The following TCERG1 variants were observed in gnomAD, a reference collection of about 807,000 sequenced individuals.
TCERG1 encodes the protein transcription elongation regulator 1.
In TCERG1, 37 loss-of-function variants were observed where a neutral mutation model predicts 144.7. The ratio of observed to expected loss-of-function variants is 0.26; its 90% confidence interval spans 0.20 to 0.34. The LOEUF is 0.34. Among genes scored for constraint, TCERG1 ranks in the 10% least tolerant of loss-of-function variants. TCERG1 has a pLI of 1.00. For missense variants in TCERG1, 1,027 were observed against 1,380.7 expected, an observed-to-expected ratio of 0.74 and a Z score of 4.06; for synonymous variants, 492 against 458.2, an observed-to-expected ratio of 1.07 and a Z score of -0.94.
At chr5:146,466,392 A>G (rs1010273700) in intron 5 of TCERG1, among the ~76,000 whole-genome samples, 2 of 152,012 alleles carry the variant, frequency 1.3e-5, no homozygotes, top group Non-Finnish European at 2.9e-5. Flanking sequence ...AGAATTAGGT[A>G]AAATACAAGA....
chr5:146,471,600 ATT>A (rs141675712), intron 9 of TCERG1, 24 bp downstream of exon 9: 28,722 of 1,352,778 alleles, frequency 0.021, no homozygotes, highest in East Asian at 0.14. Context: ...TCAAGTAGTA[ATT>A]TTTTTTTTTT....
rs1419805759 is a variant in TCERG1 at position 146,470,690 on chromosome 5, T to A, written c.1454T>A (p.Leu485Gln). The change falls in exon 8 of 23, where the codon CTG becomes CAG. Residue 485 changes from leucine to glutamine, a missense_variant. Physicochemically the swap from Leu to Gln is moderately radical, Grantham distance 113. Around this residue, in one of 6 missense-constraint regions of TCERG1, gnomAD observed 482 missense variants for 632.6 expected, o/e 0.76. Transcript: ENST00000679501. ...EPIKEPSEEP[L>Q]PMETEEEDPK... Reference sequence around the variant, plus strand: ...ATTAAAGAACCCTCTGAAGAGCCTCTGCCAATGGAGACGGAGGAGGAGGAT... The same window carrying A: ...ATTAAAGAACCCTCTGAAGAGCCTCAGCCAATGGAGACGGAGGAGGAGGAT... The A allele has an allele frequency of 2.1e-5, 34 of 1,613,588 alleles. No homozygotes were observed. Among genetic ancestry groups the A allele is most frequent in the Non-Finnish European group, 2.7e-5 (32 of 1,179,920 alleles).
intron 17 of TCERG1, among the ~76,000 whole-genome samples, chr5:146,502,675 T>G (rs892934435): frequency 6.6e-6 from 1 of 152,214 alleles, no homozygotes; most frequent in Admixed American, 6.5e-5. Context: ...TCTGAGTTTA[T>G]AATGTTATAA....
At chr5:146,505,278 C>T (rs1386100304) in intron 19 of TCERG1, among the ~76,000 whole-genome samples, 2 of 152,152 alleles carry the variant, frequency 1.3e-5, no homozygotes, top group Non-Finnish European at 2.9e-5. Context: ...AACATTCCCT[C>T]AAATTTATCC....
intron 17 of TCERG1, among the ~76,000 whole-genome samples, chr5:146,502,017 C>A (rs1389555531): frequency 6.6e-6 from 1 of 150,848 alleles, no homozygotes; most frequent in African/African-American, 2.4e-5. Flanking sequence ...GCTTCAGCCT[C>A]CCAAGTAGCT....
chr5:146,484,514 A>T (rs78101935), intron 15 of TCERG1, among the ~76,000 whole-genome samples: 5,843 of 152,310 alleles, frequency 0.038, 153 homozygotes, highest in South Asian at 0.065. Flanking sequence ...CATGGTGTGT[A>T]CCATTATGCA....
At chr5:146,454,942 C>G (rs1017421019) in intron 1 of TCERG1, 114 bp from the exon 2 acceptor site, 2 of 1,141,750 alleles carry the variant, frequency 1.8e-6, no homozygotes. Flanking sequence ...TGATGACTTT[C>G]CAACTCCACT....
intron 4 of TCERG1, among the ~76,000 whole-genome samples, chr5:146,463,207 T>G (rs1391498940): frequency 6.6e-6 from 1 of 152,208 alleles, no homozygotes; most frequent in Non-Finnish European, 1.5e-5. Context: ...TCTCACTGGT[T>G]TATTTTTTTC....
Position 146,457,453 on chromosome 5 carries a change from G to T in TCERG1, c.438+118G>T, listed in dbSNP as rs554061889. Reference sequence around the variant, plus strand: ...TAAGAATGAGCCCTGGGTGAGCAGGGAATGGGGTAAGACTTCAGGAGAAGC... The same window carrying T: ...TAAGAATGAGCCCTGGGTGAGCAGGTAATGGGGTAAGACTTCAGGAGAAGC... On this transcript the variant is annotated intron_variant, in intron 3 of 22. Transcript: ENST00000679501. The T allele has an allele frequency of 3.0e-3, 3,115 of 1,034,218 alleles. 7 individuals carry two copies. The highest frequency in any genetic ancestry group is 3.3e-3 in the Non-Finnish European group (2,453 of 736,336). 64.1% of individuals were successfully genotyped at this position (1,034,218 alleles called of 1,614,324 possible). A position where few individuals can be genotyped will look rare whatever the true frequency, so the allele number is the denominator to read the frequency against.
At chr5:146,499,330 A>G (rs921681406) in intron 17 of TCERG1, among the ~76,000 whole-genome samples, 5 of 152,238 alleles carry the variant, frequency 3.3e-5, no homozygotes, top group Admixed American at 6.5e-5. Context: ...GAGCCTAATC[A>G]TTCTTGACAT....
chr5:146,451,095 A>G (rs1762301405), intron 1 of TCERG1, among the ~76,000 whole-genome samples: 1 of 152,218 alleles, frequency 6.6e-6, no homozygotes, highest in African/African-American at 2.4e-5. Flanking sequence ...TTGTACAGAA[A>G]TGAATACTGT....
chr5:146,467,657 T>G (rs1399870275), intron 5 of TCERG1, among the ~76,000 whole-genome samples: 1 of 152,214 alleles, frequency 6.6e-6, no homozygotes, highest in Non-Finnish European at 1.5e-5. Context: ...GGCTGTATGT[T>G]TCTTAATGTT....
intron 1 of TCERG1, among the ~76,000 whole-genome samples, chr5:146,449,601 G>A (rs1762183586): frequency 6.6e-6 from 1 of 152,144 alleles, no homozygotes; most frequent in Admixed American, 6.5e-5. Flanking sequence ...CTTTAGCATT[G>A]GGGAGATTGC....
Position 146,479,879 on chromosome 5 carries a change from C to G in TCERG1, c.1787C>G (p.Ser596Trp). 1 of 1,613,470 alleles carries G rather than the reference C, an allele frequency of 6.2e-7. No homozygotes were observed. ...KLRHPTPTML[S>W]IQKWQFSMSA... ...GGGCACCCAACTCCGACAATGCTGT[C>G]GATCCAAAAGTGGCAATTCTCTATG... Residue 596 changes from serine (S) to tryptophan (W), a missense_variant, in exon 11 of 23, where the codon TCG (serine) becomes TGG (tryptophan). By Grantham distance (177) the Ser-to-Trp change is radical. Around this residue, in one of 6 missense-constraint regions of TCERG1, gnomAD observed 482 missense variants for 632.6 expected, o/e 0.76. Coordinates refer to ENST00000679501, the MANE Select transcript of TCERG1 (RefSeq NM_001382548.1).
chr5:146,495,337 A>G (rs1325242684), intron 16 of TCERG1, among the ~76,000 whole-genome samples: 1 of 152,180 alleles, frequency 6.6e-6, no homozygotes, highest in East Asian at 1.9e-4. Context: ...GAGCATTTGG[A>G]TTTCAAATTT....
At chr5:146,450,123 A>G (rs966627356) in intron 1 of TCERG1, among the ~76,000 whole-genome samples, 11 of 152,368 alleles carry the variant, frequency 7.2e-5, no homozygotes, top group African/African-American at 2.4e-4. Context: ...AGTATACTAA[A>G]GGGAACTATA....
Position 146,468,697 on chromosome 5 carries a change from T to C in TCERG1, c.1198+294T>C, listed in dbSNP as rs188878774. Reference sequence around the variant, plus strand: ...CTCATATTCATAACATTTAATTTTATTTTTGATGTGTGTTTTTAAGTTAAA... The same window carrying C: ...CTCATATTCATAACATTTAATTTTACTTTTGATGTGTGTTTTTAAGTTAAA... On this transcript the variant is annotated intron_variant, in intron 6 of 22. Coordinates refer to ENST00000679501, the MANE Select transcript of TCERG1 (RefSeq NM_001382548.1). Among the ~76,000 whole-genome samples, 310 of 152,306 alleles carry C rather than the reference T, an allele frequency of 2.0e-3. 6 individuals are homozygous for C. The highest frequency in any genetic ancestry group is 5.6e-4 in the Non-Finnish European group (38 of 68,018).
intron 17 of TCERG1, among the ~76,000 whole-genome samples, chr5:146,499,271 T>C (rs1767217592): frequency 1.3e-5 from 2 of 152,132 alleles, no homozygotes; most frequent in Admixed American, 6.5e-5. Context: ...ATGCAGCCAC[T>C]CTCCTTAGTG....
chr5:146,489,404 A>G (rs546774576), intron 15 of TCERG1, among the ~76,000 whole-genome samples: 14 of 152,296 alleles, frequency 9.2e-5, no homozygotes, highest in Admixed American at 4.6e-4. Flanking sequence ...AAACTTTTAA[A>G]TATCTCATTT....
Sources: gnomAD v4.1 joint callset for allele counts (sites outside exome capture counted in the v4.1 genomes callset) on GRCh38, gnomAD v4.1.1 for gene constraint, gnomAD v4.1.1 regional missense constraint, MANE v1.5 for transcripts, NCBI Gene and HGNC (gene_info 2026-07-23, HGNC 2026-07-21) for gene names.